The following RGS7 variants were observed in gnomAD, a reference collection of about 807,000 sequenced individuals.
RGS7 encodes the protein regulator of G-protein signaling 7.
In RGS7, 27 loss-of-function variants were observed where a neutral mutation model predicts 81.1. The ratio of observed to expected loss-of-function variants is 0.33; its 90% confidence interval spans 0.25 to 0.46. The LOEUF is 0.46. Among genes scored for constraint, RGS7 ranks in the 20% least tolerant of loss-of-function variants. The pLI, the probability that RGS7 is intolerant of heterozygous loss-of-function variation, is 1.00. For missense variants in RGS7, 396 were observed against 607.4 expected (o/e 0.65, Z 3.66); for synonymous variants, 208 against 207.7 (o/e 1.00, Z -0.01).
intron 3 of RGS7, among the ~76,000 whole-genome samples, chr1:241,031,341 T>C (rs1458486574): frequency 1.3e-5 from 2 of 152,220 alleles, no homozygotes; most frequent in African/African-American, 4.8e-5. Flanking sequence ...GTTGTATATA[T>C]TATAGTATAC....
chr1:241,118,876 T>C (rs1258788299), intron 2 of RGS7, among the ~76,000 whole-genome samples: 1 of 151,934 alleles, frequency 6.6e-6, no homozygotes, highest in Non-Finnish European at 1.5e-5. Context: ...ATATAATAGA[T>C]ACTGAGGACT....
chr1:241,350,206 T>A (rs565180527), intron 2 of RGS7, among the ~76,000 whole-genome samples: 1 of 152,308 alleles, frequency 6.6e-6, no homozygotes, highest in Non-Finnish European at 1.5e-5. Flanking sequence ...AATCCTTCTA[T>A]CTACTTCTCA....
chr1:241,050,439 T>C (rs1382157691), intron 3 of RGS7, among the ~76,000 whole-genome samples: 1 of 152,184 alleles, frequency 6.6e-6, no homozygotes, highest in Non-Finnish European at 1.5e-5. Flanking sequence ...TGTTCCATCA[T>C]GGGACACTGA....
chr1:240,910,110 A>G (rs888418224), intron 6 of RGS7, among the ~76,000 whole-genome samples: 1 of 152,134 alleles, frequency 6.6e-6, no homozygotes, highest in Non-Finnish European at 1.5e-5. Context: ...TTATCCCTGA[A>G]CATATTTCGA....
intron 2 of RGS7, among the ~76,000 whole-genome samples, chr1:241,302,314 C>G (rs577757696): frequency 6.6e-6 from 1 of 152,208 alleles, no homozygotes; most frequent in South Asian, 2.1e-4. Flanking sequence ...CTTTGGGAGG[C>G]CGAGGTGGGT....
intron 3 of RGS7, among the ~76,000 whole-genome samples, chr1:240,986,439 C>T (rs1038400621): frequency 1.3e-5 from 2 of 152,124 alleles, no homozygotes; most frequent in African/African-American, 4.8e-5. Context: ...GTTGTGCCCA[C>T]CCCTCAACAA....
At chr1:240,896,131 G>A (rs1669056578) in intron 6 of RGS7, among the ~76,000 whole-genome samples, 2 of 151,878 alleles carry the variant, frequency 1.3e-5, no homozygotes, top group South Asian at 4.1e-4. Flanking sequence ...TTTTGATGGG[G>A]TTGATTTTTT....
intron 2 of RGS7, among the ~76,000 whole-genome samples, chr1:241,273,711 A>T (rs2078047201): frequency 6.6e-6 from 1 of 152,120 alleles, no homozygotes; most frequent in South Asian, 2.1e-4. Context: ...GGTGAGGCCT[A>T]AAGTGCCTCA....
chr1:241,323,887 G>C (rs2081345380), intron 2 of RGS7, among the ~76,000 whole-genome samples: 1 of 152,136 alleles, frequency 6.6e-6, no homozygotes, highest in South Asian at 2.1e-4. Flanking sequence ...TGACAAAAAG[G>C]CCTAGGCAAA....
chr1:240,945,197 T>A (rs1678392991), intron 4 of RGS7, among the ~76,000 whole-genome samples: 1 of 152,236 alleles, frequency 6.6e-6, no homozygotes, highest in Non-Finnish European at 1.5e-5. Context: ...TTCTCAGACA[T>A]TCTTGCCATT....
At chr1:240,890,885 T>C (rs541765447) in intron 6 of RGS7, among the ~76,000 whole-genome samples, 4 of 152,194 alleles carry the variant, frequency 2.6e-5, no homozygotes, top group Non-Finnish European at 5.9e-5. Flanking sequence ...AATCCTAAAA[T>C]GTAGCTTGGA....
chr1:241,198,275 T>C (rs1436023634), intron 2 of RGS7, among the ~76,000 whole-genome samples: 1 of 151,776 alleles, frequency 6.6e-6, no homozygotes, highest in Non-Finnish European at 1.5e-5. Flanking sequence ...GATTAAGCAC[T>C]AAACTCAAAA....
chr1:240,954,179 G>A (rs920714124), intron 4 of RGS7, among the ~76,000 whole-genome samples: 5 of 151,880 alleles, frequency 3.3e-5, no homozygotes, highest in African/African-American at 1.2e-4. Context: ...CAAACATTTA[G>A]GGAAGAGATG....
rs539103164 is a variant in RGS7, at chr1:241,021,835, A to G, written c.176-38706T>C. 2.0e-5 allele frequency among the ~76,000 whole-genome samples: 3 copies of G among 152,320 alleles called. No individual in the cohort carries two copies. The East Asian group carries it at 5.8e-4, about 29-fold the overall frequency. On this transcript the variant is annotated intron_variant, in intron 3 of 18. Transcript: ENST00000440928. ...TGAAGCACTAACCACTCGGGGTCCT[A>G]TCTTGATAGCCCTGGCTTACTTACC...
At chr1:240,784,702 C>T (rs564397712) in intron 18 of RGS7, among the ~76,000 whole-genome samples, 8 of 149,602 alleles carry the variant, frequency 5.3e-5, no homozygotes, top group African/African-American at 2.0e-4. Context: ...TTTTCGCTAT[C>T]CTTTTGCAAT....
rs191057451 is a variant in RGS7 at position 241,347,792 on chromosome 1, A to C, written c.78+7907T>G. On this transcript the variant is annotated intron_variant, in intron 2 of 18. Coordinates refer to ENST00000440928, the MANE Select transcript of RGS7 (RefSeq NM_001364886.1). Reference sequence around the variant, plus strand: ...ACTGAAAGTTTCAAAAAAAGAGAAAAAAAGTCATAAACCAAGTAAATAATC... The same window carrying C: ...ACTGAAAGTTTCAAAAAAAGAGAAACAAAGTCATAAACCAAGTAAATAATC... Among the ~76,000 whole-genome samples the C allele has an allele frequency of 8.1e-4, 124 of 152,286 alleles. 3 individuals carry two copies. In the South Asian group the frequency reaches 0.016, roughly 20 times the overall value.
rs548501841 is a variant in RGS7 at position 240,806,757 on chromosome 1, T to C, written c.1083-431A>G. Among the ~76,000 whole-genome samples, 108 of 152,036 alleles carry C rather than the reference T, an allele frequency of 7.1e-4. No homozygotes were observed. The Middle Eastern group carries it at 0.014, about 19-fold the overall frequency. On this transcript the variant is annotated intron_variant, in intron 14 of 18. Transcript: ENST00000440928. Reference sequence around the variant, plus strand: ...AAGGTGTGGGACATGGAGCCTCCAATTGGGAGATAAAGCTGTGCATTACAC... The same window carrying C: ...AAGGTGTGGGACATGGAGCCTCCAACTGGGAGATAAAGCTGTGCATTACAC...
intron 2 of RGS7, among the ~76,000 whole-genome samples, chr1:241,336,569 T>C (rs775738270): frequency 2.0e-5 from 3 of 152,230 alleles, no homozygotes; most frequent in Non-Finnish European, 4.4e-5. Flanking sequence ...CTGTAACTCA[T>C]GCTTCCTCCT....
chr1:240,936,398 A>AT (rs1676641986), intron 5 of RGS7, among the ~76,000 whole-genome samples: 1 of 152,226 alleles, frequency 6.6e-6, no homozygotes, highest in African/African-American at 2.4e-5. Context: ...GCTTTCACAC[A>AT]TCATCTTGAC....
Sources: gnomAD v4.1 joint callset for allele counts (sites outside exome capture counted in the v4.1 genomes callset) on GRCh38, gnomAD v4.1.1 for gene constraint, MANE v1.5 for transcripts, NCBI Gene and HGNC (gene_info 2026-07-23, HGNC 2026-07-21) for gene names.